The following AKT2 variants were observed in gnomAD, a reference collection of about 807,000 sequenced individuals.
AKT2 encodes AKT serine/threonine kinase 2, also known as RAC-beta serine/threonine-protein kinase.
Under a neutral mutation model 58.6 loss-of-function variants are expected in AKT2, and 16 were observed. That is an observed-to-expected ratio of 0.27 (90% CI 0.18 to 0.41). The LOEUF is 0.41. AKT2 is among the 10% of genes least tolerant of loss of function. AKT2 has a pLI of 1.00. For synonymous variants in AKT2, 253 were observed against 254.0 expected (o/e 1.00, Z 0.04); for missense variants, 438 against 661.0 (o/e 0.66, Z 3.70).
chr19:40,278,353 T>C (rs865774233), intron 1 of AKT2, among the ~76,000 whole-genome samples: 3 of 152,054 alleles, frequency 2.0e-5, no homozygotes, highest in Non-Finnish European at 4.4e-5. Flanking sequence ...GTGGTGAGGA[T>C]GAGTGAGAGC....
At position 40,241,977 on chromosome 19, in the gene AKT2, G is replaced by T. The variant is rs755987647; in HGVS notation, c.534C>A (p.Tyr178Ter). 6.2e-7 allele frequency: 1 copy of T among 1,614,230 alleles called. No homozygotes were observed. Among genetic ancestry groups the T allele is most frequent in the Admixed American group, 1.7e-5 (1 of 60,034 alleles). Reference protein sequence around the residue: ...LVREKATGRYYAMKILRKEVI... With the variant: ...LVREKATGRY ...CTTCCTTCCGCAGGATCTTCATGGC[G>T]TAGTAGCGGCCAGTGGCCTTCTCCC... Residue 178 changes from tyrosine to a stop codon, truncating the protein, a stop_gained, in exon 6 of 14, where the codon TAC becomes TAA. Transcript: ENST00000392038. LOFTEE classifies it high-confidence loss of function.
chr19:40,245,920 G>A (rs1974724211), intron 4 of AKT2, among the ~76,000 whole-genome samples: 1 of 152,094 alleles, frequency 6.6e-6, no homozygotes, highest in South Asian at 2.1e-4. Flanking sequence ...GCAGACCCGG[G>A]CAGAGCACGC....
At position 40,257,172 on chromosome 19, in the gene AKT2, G is replaced by C. The variant is rs548446066; in HGVS notation, c.47-118C>G. 221 of 1,357,422 alleles carry C rather than the reference G, an allele frequency of 1.6e-4. 4 individuals carry two copies. In the South Asian group the frequency reaches 2.5e-3, roughly 15 times the overall value. 84.1% of individuals were successfully genotyped at this position (1,357,422 alleles called of 1,614,324 possible). A position where few individuals can be genotyped will look rare whatever the true frequency, so the allele number is the denominator to read the frequency against. On this transcript the variant is annotated intron_variant, in intron 2 of 13. Transcript: ENST00000392038. ...ACAAGGGGTACCACGGGGCGGGGAGGTGCGGGGGACACACGAGAATGCCTC... is the reference window on the plus strand; with the variant it reads ...ACAAGGGGTACCACGGGGCGGGGAGCTGCGGGGGACACACGAGAATGCCTC...
chr19:40,240,015 A>G, intron 7 of AKT2, 30 bp downstream of exon 7: 1 of 1,608,732 alleles, frequency 6.2e-7, no homozygotes, highest in Non-Finnish European at 8.5e-7. Context: ...GGCTGGCCTC[A>G]CACTGTCTGG....
At position 40,234,532 on chromosome 19, in the gene AKT2, G is replaced by A. The variant is rs1415608594; in HGVS notation, c.1366+513C>T. ...ATCCCACACGTCATTCCTCCGGCCA[G>A]CTGACACGTTTGCTTCCTCCTCTAG... On this transcript the variant is annotated intron_variant, in intron 13 of 13. Coordinates refer to ENST00000392038, the MANE Select transcript of AKT2 (RefSeq NM_001626.6). The surrounding 1 kb of genome is among the most constrained non-coding windows in gnomAD (Gnocchi z 4.7). 1.3e-5 allele frequency: 4 copies of A among 303,080 alleles called. No individual in the cohort carries two copies. Among genetic ancestry groups the A allele is most frequent in the Middle Eastern group, 9.5e-4 (1 of 1,058 alleles). The allele number at this position is 303,080 out of a possible 1,614,324, so 18.8% of individuals were successfully genotyped here. A position where few individuals can be genotyped will look rare whatever the true frequency, so the allele number is the denominator to read the frequency against.
chr19:40,247,954 G>A (rs1301746242), intron 4 of AKT2, among the ~76,000 whole-genome samples: 3 of 152,154 alleles, frequency 2.0e-5, no homozygotes, highest in Admixed American at 2.0e-4. Flanking sequence ...CCAGGGGAGG[G>A]ACATGGGGGA....
chr19:40,275,764 T>TGGGGG (rs1004974778), intron 1 of AKT2, among the ~76,000 whole-genome samples: 23 of 4,736 alleles, frequency 4.9e-3, no homozygotes, highest in South Asian at 0.01. Context: ...TTTGGGAGGC[T>TGGGGG]GGGGGGGGGG....
At chr19:40,251,361 G>T (rs963849952) in intron 4 of AKT2, among the ~76,000 whole-genome samples, 1 of 152,120 alleles carries the variant, frequency 6.6e-6, no homozygotes, top group African/African-American at 2.4e-5. Context: ...AATGGACATG[G>T]TCATGTTCCA....
intron 6 of AKT2, chr19:40,240,681 T>C (rs1416615093): frequency 1.9e-5 from 4 of 206,030 alleles, no homozygotes; most frequent in Non-Finnish European, 4.0e-5. Flanking sequence ...CCACCAGGAG[T>C]GGTTCCAAAA....
Position 40,233,633 on chromosome 19 carries a change from T to C in AKT2, c.*239A>G, listed in dbSNP as rs1973828800. 1 of 750,326 alleles carries C rather than the reference T, an allele frequency of 1.3e-6. No homozygotes were observed. The highest frequency in any genetic ancestry group is 2.4e-6 in the Non-Finnish European group (1 of 408,670). 46.5% of individuals were successfully genotyped at this position (750,326 alleles called of 1,614,324 possible). ...CTCCAACCGCCCAACAGCCCAGGCC[T>C]GGGCGGGAGGTGGAGTCTTCCAAAT... On this transcript the variant is annotated 3_prime_UTR_variant, in exon 14 of 14. Transcript: ENST00000392038. The surrounding 1 kb of genome is among the most constrained non-coding windows in gnomAD (Gnocchi z 4.3).
chr19:40,236,543 A>G (rs1974040132), intron 9 of AKT2, 158 bp from the exon 10 acceptor site: 15 of 991,190 alleles, frequency 1.5e-5, no homozygotes, highest in Non-Finnish European at 2.1e-5. Flanking sequence ...AGGCTCAGAG[A>G]GAGGCCAGAT....
Position 40,238,497 on chromosome 19 carries a change from T to C in AKT2, c.709-406A>G, listed in dbSNP as rs552259687. Reference sequence around the variant, plus strand: ...CGAGGCAAGGAGTGGGTGACAAAAGTGAGGCGACTCTGTAAGGGGAAGCTG... The same window carrying C: ...CGAGGCAAGGAGTGGGTGACAAAAGCGAGGCGACTCTGTAAGGGGAAGCTG... On this transcript the variant is annotated intron_variant, in intron 8 of 13. Coordinates refer to ENST00000392038, the MANE Select transcript of AKT2 (RefSeq NM_001626.6). This position sits in a 1 kb window ranked among gnomAD's most constrained non-coding sequence, Gnocchi z 5.1. 1.7e-4 allele frequency among the ~76,000 whole-genome samples: 26 copies of C among 152,198 alleles called. No individual in the cohort carries two copies. The highest frequency in any genetic ancestry group is 6.3e-4 in the African/African-American group (26 of 41,530).
chr19:40,251,553 AAAAT>A (rs1389991686), intron 4 of AKT2, among the ~76,000 whole-genome samples: 4 of 152,242 alleles, frequency 2.6e-5, no homozygotes, highest in African/African-American at 7.2e-5. Flanking sequence ...GCTTGTCAAA[AAAAT>A]AAATAAATTA....
At chr19:40,276,046 G>C (rs1311911768) in intron 1 of AKT2, among the ~76,000 whole-genome samples, 1 of 151,164 alleles carries the variant, frequency 6.6e-6, no homozygotes, top group Non-Finnish European at 1.5e-5. Context: ...ATGGCTAGTA[G>C]CTACCATTCT....
chr19:40,256,757 C>T (rs1383514135), intron 3 of AKT2, among the ~76,000 whole-genome samples, 169 bp downstream of exon 3: 3 of 152,196 alleles, frequency 2.0e-5, no homozygotes, highest in Non-Finnish European at 4.4e-5. Flanking sequence ...AGGACAGCCC[C>T]GCCTGGCCAG....
At chr19:40,282,526 A>G in intron 1 of AKT2, 1 of 531,412 alleles carries the variant, frequency 1.9e-6, no homozygotes, top group South Asian at 1.4e-5. Context: ...AGAGATGCTC[A>G]GGGCAGCCTG....
At chr19:40,252,792 C>T (rs1047633077) in intron 4 of AKT2, among the ~76,000 whole-genome samples, 8 of 152,182 alleles carry the variant, frequency 5.3e-5, no homozygotes, top group African/African-American at 1.2e-4. Flanking sequence ...TTGCTATCTC[C>T]GTGGCCAAAT....
intron 4 of AKT2, among the ~76,000 whole-genome samples, chr19:40,245,282 T>A (rs548218834): frequency 7.2e-5 from 11 of 152,282 alleles, no homozygotes; most frequent in African/African-American, 2.6e-4. Flanking sequence ...CTCACTCATG[T>A]AATCCCTGCA....
rs1201751830 is a variant in AKT2 at position 40,232,003 on chromosome 19, C to T, written c.*1869G>A. On this transcript the variant is annotated 3_prime_UTR_variant, in exon 14 of 14. Transcript: ENST00000392038. ...ATTCAGTGACAGCACAGGCACCCTC[C>T]TCATTCTGGGCTACCCAGATCTTCC... 4 of 233,520 alleles carry T rather than the reference C, an allele frequency of 1.7e-5. No homozygotes were observed. Among genetic ancestry groups the T allele is most frequent in the Admixed American group, 1.7e-4 (3 of 17,778 alleles). The allele number at this position is 233,520 out of a possible 1,614,324, so 14.5% of individuals were successfully genotyped here. A position where few individuals can be genotyped will look rare whatever the true frequency, so the allele number is the denominator to read the frequency against.
Sources: allele counts gnomAD v4.1 joint callset (sites outside exome capture counted in the v4.1 genomes callset), GRCh38; gene constraint gnomAD v4.1.1; non-coding constraint Gnocchi (gnomAD v3.1); transcripts MANE v1.5; gene names NCBI Gene and HGNC (gene_info 2026-07-23, HGNC 2026-07-21).